Variants in MTOR observed in about 807,000 individuals in gnomAD.
MTOR encodes mechanistic target of rapamycin kinase, also known as serine/threonine-protein kinase mTOR.
A neutral mutation model predicts 319.8 loss-of-function variants in MTOR; 70 were observed. That is an observed-to-expected ratio of 0.22 (90% confidence interval 0.18 to 0.27). The LOEUF is 0.27. MTOR is among the 10% of genes least tolerant of loss of function. MTOR has a pLI of 1.00. For synonymous variants in MTOR, 1,183 were observed against 1,211.4 expected (o/e 0.98, Z 0.49); for missense variants, 1,890 against 3,274.4 (o/e 0.58, Z 10.32).
At chr1:11,211,855 C>T (rs1054721207) in intron 23 of MTOR, among the ~76,000 whole-genome samples, 4 of 152,140 alleles carry the variant, frequency 2.6e-5, no homozygotes, top group Non-Finnish European at 5.9e-5. Flanking sequence ...CCTGCTGTGC[C>T]CTGAACTCTT....
intron 28 of MTOR, chr1:11,194,766 A>C: frequency 1.3e-6 from 2 of 1,596,840 alleles, no homozygotes; most frequent in Admixed American, 3.4e-5. Context: ...CGGTTTTGGT[A>C]TTCTTTCTGA....
At chr1:11,206,888 G>A (rs1646154352) in intron 25 of MTOR, among the ~76,000 whole-genome samples, 1 of 152,150 alleles carries the variant, frequency 6.6e-6, no homozygotes. Flanking sequence ...TGAAAATTCT[G>A]GAAGGCATTC....
rs1642130085 is a variant in MTOR at position 11,115,710 on chromosome 1, C to T, written c.7017-242G>A. 3 of 473,436 alleles carry T rather than the reference C, an allele frequency of 6.3e-6. No homozygotes were observed. In the East Asian group the frequency reaches 9.9e-5, roughly 16 times the overall value. 29.3% of individuals were successfully genotyped at this position (473,436 alleles called of 1,614,324 possible). A position where few individuals can be genotyped will look rare whatever the true frequency, so the allele number is the denominator to read the frequency against. Reference sequence around the variant, plus strand: ...AGAGCTGACTAGTTGTGACAGAGACCAAAGGGCCCACAAAGCCTAAAACGA... The same window carrying T: ...AGAGCTGACTAGTTGTGACAGAGACTAAAGGGCCCACAAAGCCTAAAACGA... On this transcript the variant is annotated intron_variant, in intron 50 of 57. Transcript: ENST00000361445. The surrounding 1 kb of genome is among the most constrained non-coding windows in gnomAD (Gnocchi z 4.5).
chr1:11,246,736 G>A (rs963341562), intron 8 of MTOR, among the ~76,000 whole-genome samples: 21 of 152,138 alleles, frequency 1.4e-4, no homozygotes, highest in African/African-American at 4.6e-4. Flanking sequence ...TGAGCACCAC[G>A]GTAAAGTGGG....
intron 3 of MTOR, among the ~76,000 whole-genome samples, chr1:11,258,034 C>T (rs761019910): frequency 5.3e-5 from 8 of 151,044 alleles, no homozygotes; most frequent in Non-Finnish European, 8.8e-5. Context: ...CGCTTGAACC[C>T]AGGAGGCGGA....
At chr1:11,190,027 T>G in intron 28 of MTOR, 1 of 1,520,352 alleles carries the variant, frequency 6.6e-7, no homozygotes, top group Non-Finnish European at 8.8e-7. Flanking sequence ...CATATCCTGG[T>G]CATCAGAACC....
intron 29 of MTOR, among the ~76,000 whole-genome samples, chr1:11,165,818 G>A (rs1644625065): frequency 6.6e-6 from 1 of 152,186 alleles, no homozygotes; most frequent in Non-Finnish European, 1.5e-5. Context: ...CAAAGCTGGA[G>A]GCATCACGCT....
intron 54 of MTOR, among the ~76,000 whole-genome samples, chr1:11,112,590 ACC>A (rs1641945206): frequency 6.6e-6 from 1 of 152,242 alleles, no homozygotes; most frequent in African/African-American, 2.4e-5. Flanking sequence ...AGTAGCCATT[ACC>A]ACTTTAAGTT....
chr1:11,194,715 T>A (rs12046799), intron 28 of MTOR: 1 of 1,610,600 alleles, frequency 6.2e-7, no homozygotes, highest in East Asian at 2.2e-5. Context: ...ATAATCCCAC[T>A]TGAGGAGAAA....
intron 30 of MTOR, chr1:11,152,380 T>C (rs541337318): frequency 1.3e-5 from 2 of 152,158 alleles, no homozygotes; most frequent in South Asian, 2.1e-4. Flanking sequence ...TATACTAAAA[T>C]TGGAACGATA....
At chr1:11,114,567 C>A in intron 52 of MTOR, 114 bp from the exon 53 acceptor site, 1 of 1,444,044 alleles carries the variant, frequency 6.9e-7, no homozygotes, top group Non-Finnish European at 9.5e-7. Flanking sequence ...GTTGACGTAT[C>A]AGGGTGAGAA....
intron 31 of MTOR, among the ~76,000 whole-genome samples, chr1:11,148,578 A>G (rs1644020531): frequency 6.6e-6 from 1 of 152,082 alleles, no homozygotes; most frequent in Admixed American, 6.5e-5. Flanking sequence ...GCAGGAACCT[A>G]AAGAGACTTC....
intron 28 of MTOR, chr1:11,194,498 A>G (rs2100725020): frequency 1.2e-6 from 2 of 1,614,166 alleles, no homozygotes; most frequent in Non-Finnish European, 1.7e-6. Flanking sequence ...GAGTATAGCC[A>G]CTTTGTTTTG....
At position 11,258,307 on chromosome 1, in the gene MTOR, T is replaced by C. The variant is rs559434840; in HGVS notation, c.271+178A>G. Among the ~76,000 whole-genome samples the C allele has an allele frequency of 9.2e-5, 14 of 152,294 alleles. No homozygotes were observed. In the East Asian group the frequency reaches 2.5e-3, roughly 27 times the overall value. ...TCACTCGATGGTTCCGAGACTCCAC[T>C]TCCACATCTAAAAATACGTTTTTCC... On this transcript the variant is annotated intron_variant, in intron 3 of 57. Coordinates refer to ENST00000361445, the MANE Select transcript of MTOR (RefSeq NM_004958.4).
chr1:11,120,589 T>C (rs376268260), intron 49 of MTOR, among the ~76,000 whole-genome samples: 2 of 151,546 alleles, frequency 1.3e-5, no homozygotes, highest in East Asian at 3.9e-4. Context: ...TGGGCTCAAG[T>C]GATCCTCCTG....
chr1:11,125,449 G>A (rs1414640078), intron 46 of MTOR, among the ~76,000 whole-genome samples: 1 of 152,150 alleles, frequency 6.6e-6, no homozygotes, highest in Non-Finnish European at 1.5e-5. Context: ...CGAGAGGTGA[G>A]GCTGGGCGCG....
chr1:11,139,240 G>C (rs1228312961), intron 36 of MTOR, 64 bp downstream of exon 36: 1 of 1,539,022 alleles, frequency 6.5e-7, no homozygotes, highest in Admixed American at 2.2e-5. Context: ...AAGAGGCAGA[G>C]CGAAGCAGAT....
intron 28 of MTOR, among the ~76,000 whole-genome samples, chr1:11,190,573 T>C (rs1026342098): frequency 1.3e-5 from 2 of 152,210 alleles, no homozygotes; most frequent in Non-Finnish European, 2.9e-5. Flanking sequence ...TGGTCTTAAA[T>C]GAATTTCTCC....
rs556798684 is a variant in MTOR, at chr1:11,110,492, T to C, written c.7367-763A>G. On this transcript the variant is annotated intron_variant, in intron 54 of 57. Transcript: ENST00000361445. ...ATATCGGCTCACTGCAACCTCTGCC[T>C]CTCAGGTTCAAGAGATTCTCCTGCC... Among the ~76,000 whole-genome samples the C allele has an allele frequency of 2.0e-5, 3 of 152,132 alleles. No individual in the cohort carries two copies. The South Asian group carries it at 6.2e-4, about 32-fold the overall frequency.
Sources: allele counts gnomAD v4.1 joint callset (sites outside exome capture counted in the v4.1 genomes callset), GRCh38; gene constraint gnomAD v4.1.1; non-coding constraint Gnocchi (gnomAD v3.1); transcripts MANE v1.5; gene names NCBI Gene and HGNC (gene_info 2026-07-23, HGNC 2026-07-21).